HEATR5A: variants seen among roughly 807,000 people sequenced by gnomAD.
HEATR5A encodes HEAT repeat-containing protein 5A.
In HEATR5A, 178 loss-of-function variants were observed where a neutral mutation model predicts 218.8. That is an observed-to-expected ratio of 0.81 (90% CI 0.72 to 0.92). The LOEUF (loss-of-function observed/expected upper bound fraction) is 0.92, where lower values mean the gene tolerates loss of function less well. Among genes scored for constraint, HEATR5A ranks in the 40% least tolerant of loss-of-function variants. The pLI is 0.00. For synonymous variants in HEATR5A, 864 were observed against 871.6 expected, an observed-to-expected ratio of 0.99 and a Z score of 0.15; for missense variants, 2,420 against 2,418.9, an observed-to-expected ratio of 1.00 and a Z score of -0.01.
rs1261271249 is a variant in HEATR5A at position 31,344,078 on chromosome 14, G to A, written c.3059-13C>T. 2.8e-6 allele frequency: 4 copies of A among 1,450,036 alleles called. No individual in the cohort carries two copies. The highest frequency in any genetic ancestry group is 1.8e-4 in the Middle Eastern group (1 of 5,452). 89.8% of individuals were successfully genotyped at this position (1,450,036 alleles called of 1,614,324 possible). A position where few individuals can be genotyped will look rare whatever the true frequency, so the allele number is the denominator to read the frequency against. ...GAAGTACTGTTACCTAAAATAAAAA[G>A]CAGAAAGCTTTTAATAATTGGCCTA... On this transcript the variant is annotated splice_polypyrimidine_tract_variant and intron_variant, in intron 20 of 35. Transcript: ENST00000543095.
chr14:31,347,484 T>C (rs1348374188), intron 19 of HEATR5A, among the ~76,000 whole-genome samples: 1 of 152,112 alleles, frequency 6.6e-6, no homozygotes, highest in Non-Finnish European at 1.5e-5. Context: ...AGTGTGAGAG[T>C]ATGTGCGTGA....
At chr14:31,378,563 G>A (rs1422703995) in intron 11 of HEATR5A, among the ~76,000 whole-genome samples, 2 of 152,118 alleles carry the variant, frequency 1.3e-5, no homozygotes, top group African/African-American at 4.8e-5. Flanking sequence ...CGAGGCAGGT[G>A]GATCACGAAG....
intron 23 of HEATR5A, 130 bp downstream of exon 23, chr14:31,326,033 G>A (rs981544002): frequency 1.0e-5 from 7 of 684,582 alleles, no homozygotes; most frequent in Non-Finnish European, 1.8e-5. Flanking sequence ...TTCATTTGAA[G>A]AAAAGCAACA....
chr14:31,335,918 G>C (rs1900634424), intron 22 of HEATR5A, among the ~76,000 whole-genome samples: 1 of 151,548 alleles, frequency 6.6e-6, no homozygotes, highest in Non-Finnish European at 1.5e-5. Context: ...GCCTCCCGAA[G>C]TACTGGGATT....
intron 1 of HEATR5A, among the ~76,000 whole-genome samples, chr14:31,404,750 C>T (rs2030995679): frequency 1.3e-5 from 2 of 151,782 alleles, no homozygotes; most frequent in African/African-American, 4.8e-5. Context: ...TTTGTCTCTA[C>T]AAAAAATTTA....
chr14:31,399,535 A>T (rs573788482), intron 3 of HEATR5A, among the ~76,000 whole-genome samples: 41 of 152,220 alleles, frequency 2.7e-4, no homozygotes, highest in Non-Finnish European at 5.7e-4. Context: ...ACTTTATAGA[A>T]TTATGACATG....
chr14:31,333,393 C>T (rs987383782), intron 22 of HEATR5A, among the ~76,000 whole-genome samples: 6 of 151,956 alleles, frequency 3.9e-5, no homozygotes, highest in Admixed American at 1.3e-4. Context: ...GGATTACAGG[C>T]ACCCACCATC....
chr14:31,353,596 T>G (rs1028679647), intron 16 of HEATR5A, among the ~76,000 whole-genome samples: 1 of 151,890 alleles, frequency 6.6e-6, no homozygotes, highest in Admixed American at 6.6e-5. Context: ...AATTAGCCAG[T>G]GTATTGGTGC....
chr14:31,317,617 T>C (rs142105731), intron 26 of HEATR5A, among the ~76,000 whole-genome samples: 65 of 152,306 alleles, frequency 4.3e-4, no homozygotes, highest in African/African-American at 1.5e-3. Flanking sequence ...ATTAAGTGTC[T>C]GACAACGCAG....
intron 28 of HEATR5A, among the ~76,000 whole-genome samples, chr14:31,311,683 AT>A (rs879342480): frequency 5.3e-4 from 78 of 146,402 alleles, no homozygotes; most frequent in Non-Finnish European, 2.2e-4. Context: ...ATATATATAT[AT>A]AAAAAAGATT....
Position 31,374,902 on chromosome 14 carries a change from G to A in HEATR5A, c.1775C>T (p.Ser592Phe). Reference sequence around the variant, plus strand: ...CTTTTCTGTTTCTAGATCTTTAGGAGATGCTGGAAAGACACACTTCCACAA... The same window carrying A: ...CTTTTCTGTTTCTAGATCTTTAGGAAATGCTGGAAAGACACACTTCCACAA... The part of the protein sequence containing the change: ...LLLWKCVFPA[S>F]PKDLETEKSR... The change falls in exon 12 of 36, where the codon TCT (serine) becomes TTT (phenylalanine). Residue 592 changes from serine to phenylalanine, a missense_variant. Ser to Phe is a radical substitution (Grantham distance 155). Coordinates refer to ENST00000543095, the MANE Select transcript of HEATR5A (RefSeq NM_015473.4). 1 of 1,613,232 alleles carries A rather than the reference G, an allele frequency of 6.2e-7. No individual in the cohort carries two copies. The highest frequency in any genetic ancestry group is 8.5e-7 in the Non-Finnish European group (1 of 1,179,562).
intron 1 of HEATR5A, among the ~76,000 whole-genome samples, chr14:31,415,162 T>TACC (rs1388480253): frequency 6.6e-6 from 1 of 152,162 alleles, no homozygotes; most frequent in Non-Finnish European, 1.5e-5. Flanking sequence ...ATTCACAACC[T>TACC]ACCTCATAAA....
At chr14:31,357,973 C>A (rs1901484128) in intron 16 of HEATR5A, among the ~76,000 whole-genome samples, 1 of 152,174 alleles carries the variant, frequency 6.6e-6, no homozygotes, top group Admixed American at 6.5e-5. Flanking sequence ...CGAGCATTAT[C>A]ATCTGAGCCA....
intron 7 of HEATR5A, among the ~76,000 whole-genome samples, chr14:31,387,994 C>T (rs1216014065): frequency 1.3e-5 from 2 of 152,158 alleles, no homozygotes; most frequent in African/African-American, 4.8e-5. Context: ...TGAACAACGG[C>T]TCCGAGAGAT....
At chr14:31,348,989 T>G (rs7152230) in intron 18 of HEATR5A, among the ~76,000 whole-genome samples, 60,259 of 151,944 alleles carry the variant, frequency 0.4, 12,192 homozygotes, top group Non-Finnish European at 0.43. Flanking sequence ...ATATTTACTA[T>G]CTCATTTACC....
At chr14:31,308,883 A>C (rs1164645014) in intron 29 of HEATR5A, 51 bp downstream of exon 29, 2 of 1,511,456 alleles carry the variant, frequency 1.3e-6, no homozygotes, top group Non-Finnish European at 1.8e-6. Flanking sequence ...TCAAAAAAAA[A>C]AAAACAAAAA....
chr14:31,353,944 C>T (rs993809280), intron 16 of HEATR5A, among the ~76,000 whole-genome samples: 3 of 151,884 alleles, frequency 2.0e-5, no homozygotes, highest in African/African-American at 7.3e-5. Flanking sequence ...GGACTACAGG[C>T]GCCCACACTA....
chr14:31,335,895 T>C (rs1900633496), intron 22 of HEATR5A, among the ~76,000 whole-genome samples: 1 of 151,966 alleles, frequency 6.6e-6, no homozygotes, highest in Non-Finnish European at 1.5e-5. Flanking sequence ...CCTCCGGTGA[T>C]CTGCCCACCT....
At chr14:31,311,052 ACC>A in intron 28 of HEATR5A, among the ~76,000 whole-genome samples, 1 of 151,310 alleles carries the variant, frequency 6.6e-6, no homozygotes, top group South Asian at 2.1e-4. Flanking sequence ...CAACCAACCA[ACC>A]AACCAACCAA....
Sources: allele counts gnomAD v4.1 joint callset (sites outside exome capture counted in the v4.1 genomes callset), GRCh38; gene constraint gnomAD v4.1.1; transcripts MANE v1.5; gene names NCBI Gene and HGNC (gene_info 2026-07-23, HGNC 2026-07-21).